Variants in ZNF600 observed in about 807,000 individuals in gnomAD.
The protein encoded by ZNF600 is zinc finger protein KR-ZNF1.
A neutral mutation model predicts 7.3 loss-of-function variants in ZNF600; 4 were observed. The ratio of observed to expected loss-of-function variants is 0.55; its 90% CI spans 0.27 to 1.25. ZNF600 has a LOEUF of 1.25. Among genes scored for constraint, ZNF600 ranks in the 50% most tolerant of loss-of-function variants. ZNF600 has a pLI of 0.12. For synonymous variants in ZNF600, 290 were observed against 308.9 expected (o/e 0.94, Z 0.64); for missense variants, 911 against 922.1 (o/e 0.99, Z 0.16).
chr19:52,773,087 T>C (rs778976795), intron 3 of ZNF600, among the ~76,000 whole-genome samples: 22 of 151,578 alleles, frequency 1.5e-4, no homozygotes, highest in Non-Finnish European at 2.9e-4. Context: ...ACAAAGTCAA[T>C]AGGCTGGTAT....
the ZNF600 span, among the ~76,000 whole-genome samples, chr19:52,808,803 A>AC: frequency 1.3e-5 from 2 of 152,108 alleles, no homozygotes; most frequent in African/African-American, 4.8e-5. Flanking sequence ...ACAAACCGAG[A>AC]CCCCATCTCA....
chr19:52,810,096 G>A, the ZNF600 span: 84 of 786,898 alleles, frequency 1.1e-4, no homozygotes, highest in South Asian at 6.9e-4. Flanking sequence ...AGGAGCCACC[G>A]GCAGCCAAGA....
intron 3 of ZNF600, among the ~76,000 whole-genome samples, chr19:52,772,982 T>C (rs2062642792): frequency 6.6e-6 from 1 of 152,210 alleles, no homozygotes; most frequent in Non-Finnish European, 1.5e-5. Context: ...CGGCCTCCTA[T>C]AATTTTGTCC....
At chr19:52,820,605 C>T in the ZNF600 span, among the ~76,000 whole-genome samples, 1 of 152,008 alleles carries the variant, frequency 6.6e-6, no homozygotes, top group Admixed American at 6.6e-5. Flanking sequence ...CTCTGTTCTC[C>T]TTGCCACCAG....
At chr19:52,774,328 C>T (rs921342434) in intron 3 of ZNF600, among the ~76,000 whole-genome samples, 1 of 151,848 alleles carries the variant, frequency 6.6e-6, no homozygotes, top group African/African-American at 2.4e-5. Context: ...ACCCAGGAGG[C>T]TGAGGCAGGA....
the ZNF600 span, chr19:52,799,464 T>A: frequency 1.1e-6 from 1 of 870,928 alleles, no homozygotes; most frequent in Non-Finnish European, 1.8e-6. Flanking sequence ...ATGAATTCTA[T>A]GATGACGTGC....
chr19:52,766,759 T>C (rs1238073426), exon 4 of ZNF600: 7 of 1,613,896 alleles, frequency 4.3e-6, no homozygotes, highest in Non-Finnish European at 1.7e-6. Flanking sequence ...TCACAAACCT[T>C]ACATTTGTAT....
chr19:52,808,154 A>T, the ZNF600 span: 1 of 1,611,858 alleles, frequency 6.2e-7, no homozygotes, highest in African/African-American at 1.3e-5. Flanking sequence ...AACACATTTT[A>T]ACCAAATGGT....
chr19:52,789,783 C>T (rs1482396848), upstream of ZNF600, among the ~76,000 whole-genome samples: 1 of 152,058 alleles, frequency 6.6e-6, no homozygotes, highest in African/African-American at 2.4e-5. Flanking sequence ...AATGAGCATT[C>T]GTGTGAAGAG....
At chr19:52,777,447 G>C (rs1214758887) in intron 2 of ZNF600, among the ~76,000 whole-genome samples, 1 of 152,008 alleles carries the variant, frequency 6.6e-6, no homozygotes, top group African/African-American at 2.4e-5. Flanking sequence ...AGGCCAAGGT[G>C]GGAGGATCAC....
At chr19:52,781,875 A>G (rs2062724684) in intron 1 of ZNF600, among the ~76,000 whole-genome samples, 1 of 152,138 alleles carries the variant, frequency 6.6e-6, no homozygotes, top group Admixed American at 6.5e-5. Context: ...AACCTGGCCA[A>G]TATGGCAACA....
chr19:52,787,401 CTTTTTTTTT>C (rs1167453014), upstream of ZNF600, among the ~76,000 whole-genome samples: 970 of 114,832 alleles, frequency 8.4e-3, 19 homozygotes, highest in African/African-American at 0.031. Flanking sequence ...CGCTCTTTTA[CTTTTTTTTT>C]TTTTTTTTTT....
At chr19:52,772,448 C>T (rs2062637628) in intron 3 of ZNF600, among the ~76,000 whole-genome samples, 1 of 151,974 alleles carries the variant, frequency 6.6e-6, no homozygotes, top group African/African-American at 2.4e-5. Flanking sequence ...ACTAAAAATA[C>T]AAAAATTAGC....
At chr19:52,770,220 G>A (rs1284521388) in intron 3 of ZNF600, among the ~76,000 whole-genome samples, 1 of 152,118 alleles carries the variant, frequency 6.6e-6, no homozygotes, top group Non-Finnish European at 1.5e-5. Context: ...GACATGTGGA[G>A]CACGAGGTCA....
At chr19:52,778,108 G>A (rs1409731682) in intron 2 of ZNF600, among the ~76,000 whole-genome samples, 1 of 151,738 alleles carries the variant, frequency 6.6e-6, no homozygotes, top group East Asian at 1.9e-4. Flanking sequence ...CCACGTCCTG[G>A]GTTTAAGTGA....
At chr19:52,804,561 G>A in the ZNF600 span, among the ~76,000 whole-genome samples, 1 of 152,198 alleles carries the variant, frequency 6.6e-6, no homozygotes, top group Non-Finnish European at 1.5e-5. Context: ...AGTAGAGACA[G>A]GGTTTCACCA....
the ZNF600 span, chr19:52,801,626 T>C: frequency 8.7e-6 from 14 of 1,614,096 alleles, no homozygotes; most frequent in South Asian, 2.2e-5. Flanking sequence ...GTCTTTGCAA[T>C]GTCCCTGTGT....
the ZNF600 span, among the ~76,000 whole-genome samples, chr19:52,804,557 G>C: frequency 6.6e-6 from 1 of 152,276 alleles, no homozygotes; most frequent in South Asian, 2.1e-4. Context: ...TTTTAGTAGA[G>C]ACAGGGTTTC....
chr19:52,784,667 G>A (rs188546532), intron 1 of ZNF600, among the ~76,000 whole-genome samples: 9 of 152,290 alleles, frequency 5.9e-5, no homozygotes, highest in African/African-American at 2.2e-4. Flanking sequence ...ATACACAGAA[G>A]TCAACATGTC....
Sources: allele counts gnomAD v4.1 joint callset (sites outside exome capture counted in the v4.1 genomes callset), GRCh38; gene constraint gnomAD v4.1.1; transcripts MANE v1.5; gene names NCBI Gene and HGNC (gene_info 2026-07-23, HGNC 2026-07-21).